The following PDE4D variants were observed in gnomAD, a reference collection of about 807,000 sequenced individuals.
PDE4D encodes phosphodiesterase 4D, also known as 3',5'-cyclic-AMP phosphodiesterase 4D.
Under a neutral mutation model 87.4 loss-of-function variants are expected in PDE4D, and 24 were observed. The observed-to-expected ratio is 0.27, with a 90% CI of 0.20 to 0.39. The LOEUF (loss-of-function observed/expected upper bound fraction) is 0.39, where lower values mean the gene tolerates loss of function less well. Ranked by LOEUF, PDE4D falls within the 10% of genes least tolerant of loss-of-function variation. The pLI, the probability that PDE4D is intolerant of heterozygous loss-of-function variation, is 1.00. For missense variants in PDE4D, 714 were observed against 1,041.0 expected, an observed-to-expected ratio of 0.69 and a Z score of 4.32; for synonymous variants, 384 against 383.2, an observed-to-expected ratio of 1.00 and a Z score of -0.02.
intron 1 of PDE4D, among the ~76,000 whole-genome samples, chr5:59,388,199 T>C (rs957266151): frequency 5.3e-5 from 8 of 152,046 alleles, no homozygotes; most frequent in Admixed American, 2.0e-4. Flanking sequence ...GAAAAGGATC[T>C]AAACAGATGT....
intron 1 of PDE4D, among the ~76,000 whole-genome samples, chr5:59,720,537 G>A (rs935339040): frequency 6.6e-6 from 1 of 152,152 alleles, no homozygotes; most frequent in African/African-American, 2.4e-5. Flanking sequence ...GTAAGGGTAA[G>A]ATTTCTAAAG....
chr5:60,254,798 T>C (rs1480336471), intron 1 of PDE4D, among the ~76,000 whole-genome samples: 1 of 151,896 alleles, frequency 6.6e-6, no homozygotes, highest in African/African-American at 2.4e-5. Context: ...AGGTTGCTAA[T>C]CTATGACATG....
chr5:59,421,619 C>A (rs762614789), intron 1 of PDE4D, among the ~76,000 whole-genome samples: 6 of 151,904 alleles, frequency 3.9e-5, no homozygotes, highest in Admixed American at 1.3e-4. Context: ...AAGAAAAAGA[C>A]CAGATGGTAA....
chr5:59,835,602 C>T (rs60000042), intron 1 of PDE4D, among the ~76,000 whole-genome samples: 3,771 of 151,988 alleles, frequency 0.025, 152 homozygotes, highest in African/African-American at 0.086. Context: ...TTGGATAATA[C>T]GTAAATAATA....
At chr5:58,987,692 AT>A (rs1173782749) in intron 11 of PDE4D, among the ~76,000 whole-genome samples, 5 of 152,196 alleles carry the variant, frequency 3.3e-5, no homozygotes, top group Non-Finnish European at 5.9e-5. Context: ...AACTTTGCAT[AT>A]TTTTTATATA....
intron 1 of PDE4D, among the ~76,000 whole-genome samples, chr5:60,306,942 C>T (rs1165566749): frequency 6.6e-6 from 1 of 151,982 alleles, no homozygotes; most frequent in African/African-American, 2.4e-5. Context: ...CATAGATAAA[C>T]AATGGAAGCC....
At position 60,097,421 on chromosome 5, in the gene PDE4D, T is replaced by C. The variant is rs536705611; in HGVS notation, c.42+88136A>G. 2.6e-5 allele frequency among the ~76,000 whole-genome samples: 4 copies of C among 152,174 alleles called. No individual in the cohort carries two copies. In the South Asian group the frequency reaches 6.2e-4, roughly 24 times the overall value. ...CATTCACATCTGAAAACTGCACATA[T>C]AATATATACAATTTAAGTAAAAAGA... On this transcript the variant is annotated intron_variant, in intron 2 of 16. Transcript: ENST00000502484.
At position 60,131,925 on chromosome 5, in the gene PDE4D, G is replaced by A. The variant is rs545675150; in HGVS notation, c.42+53632C>T. Among the ~76,000 whole-genome samples the A allele has an allele frequency of 2.0e-5, 3 of 152,260 alleles. No individual in the cohort carries two copies. In the South Asian group the frequency reaches 6.2e-4, roughly 32 times the overall value. On this transcript the variant is annotated intron_variant, in intron 2 of 16. Coordinates refer to the PDE4D transcript ENST00000502484. ...TTATTAGGGCTTCTTCTTGGGTGTA[G>A]CTCCCTCTACAAATATTCTCTGCAA...
At chr5:60,110,066 G>T (rs1443977783) in intron 2 of PDE4D, among the ~76,000 whole-genome samples, 1 of 151,962 alleles carries the variant, frequency 6.6e-6, no homozygotes, top group Non-Finnish European at 1.5e-5. Context: ...TTGCTTTTCT[G>T]GAATGAGCGA....
chr5:60,424,478 G>C (rs1267210272), intron 1 of PDE4D, among the ~76,000 whole-genome samples: 1 of 152,014 alleles, frequency 6.6e-6, no homozygotes, highest in Admixed American at 6.6e-5. Flanking sequence ...AACAAAATTC[G>C]ATAGCCCTTC....
At chr5:59,820,278 C>T (rs1307911223) in intron 1 of PDE4D, among the ~76,000 whole-genome samples, 1 of 152,194 alleles carries the variant, frequency 6.6e-6, no homozygotes, top group African/African-American at 2.4e-5. Context: ...TCTTTTCATT[C>T]GTTTTTATTC....
chr5:60,471,729 A>T (rs1280569745), intron 1 of PDE4D, among the ~76,000 whole-genome samples: 1 of 152,208 alleles, frequency 6.6e-6, no homozygotes, highest in African/African-American at 2.4e-5. Context: ...AAATTAAGGT[A>T]TGTACTTTTT....
intron 1 of PDE4D, among the ~76,000 whole-genome samples, chr5:59,550,679 T>G (rs1003648886): frequency 6.6e-6 from 1 of 150,448 alleles, no homozygotes; most frequent in African/African-American, 2.4e-5. Flanking sequence ...AAAGGTCATT[T>G]TTTTCCTTAT....
At chr5:60,108,552 A>G (rs1020120112) in intron 2 of PDE4D, among the ~76,000 whole-genome samples, 1 of 152,112 alleles carries the variant, frequency 6.6e-6, no homozygotes, top group Non-Finnish European at 1.5e-5. Flanking sequence ...GCGTTGCCAA[A>G]TGAATCCTAA....
At chr5:59,448,829 C>T (rs149575855) in intron 1 of PDE4D, among the ~76,000 whole-genome samples, 30 of 152,166 alleles carry the variant, frequency 2.0e-4, no homozygotes, top group African/African-American at 6.5e-4. Context: ...GAGATGGGGT[C>T]TTGCTAAGTT....
At chr5:60,183,390 T>C (rs554973306) in intron 2 of PDE4D, among the ~76,000 whole-genome samples, 17 of 152,324 alleles carry the variant, frequency 1.1e-4, no homozygotes, top group Admixed American at 3.9e-4. Flanking sequence ...TAGAAATTCA[T>C]AACTGGTAGG....
intron 2 of PDE4D, among the ~76,000 whole-genome samples, chr5:60,113,673 T>G (rs1582725437): frequency 6.6e-6 from 1 of 152,114 alleles, no homozygotes; most frequent in South Asian, 2.1e-4. Flanking sequence ...AGTTCCTAAA[T>G]CTGTTCTCTT....
chr5:60,183,451 G>C (rs1332915946), intron 2 of PDE4D, among the ~76,000 whole-genome samples: 1 of 152,176 alleles, frequency 6.6e-6, no homozygotes, highest in Non-Finnish European at 1.5e-5. Context: ...TGAATTGTTT[G>C]AGTTGAAGAG....
chr5:60,408,146 C>T (rs952673339), intron 1 of PDE4D, among the ~76,000 whole-genome samples: 5 of 152,102 alleles, frequency 3.3e-5, no homozygotes, highest in Non-Finnish European at 7.3e-5. Context: ...TCCGGTCTCC[C>T]CTGCCCTTCA....
Sources: gnomAD v4.1 joint callset for allele counts (sites outside exome capture counted in the v4.1 genomes callset) on GRCh38, gnomAD v4.1.1 for gene constraint, MANE v1.5 for transcripts, NCBI Gene and HGNC (gene_info 2026-07-23, HGNC 2026-07-21) for gene names.